Variants in OIP5 observed in about 807,000 individuals in gnomAD.
The protein encoded by OIP5 is protein Mis18-beta.
A neutral mutation model predicts 20.3 loss-of-function variants in OIP5; 24 were observed. The observed-to-expected ratio is 1.18, with a 90% CI of 0.86 to 1.66. The LOEUF is 1.66. Among genes scored for constraint, OIP5 ranks in the 40% most tolerant of loss-of-function variants. OIP5 has a pLI of 0.00. For synonymous variants in OIP5, 143 were observed against 121.3 expected, an observed-to-expected ratio of 1.18 and a Z score of -1.17; for missense variants, 339 against 289.5, an observed-to-expected ratio of 1.17 and a Z score of -1.24.
intron 3 of OIP5, among the ~76,000 whole-genome samples, chr15:41,314,657 A>T (rs529312320): frequency 6.7e-6 from 1 of 148,262 alleles, no homozygotes; most frequent in South Asian, 2.2e-4. Context: ...TTTGAGACAG[A>T]GTCTTACTCT....
In OIP5 at chr15:41,309,662, G is replaced by T; in HGVS notation, c.*92C>A. On this transcript the variant is annotated 3_prime_UTR_variant, in exon 5 of 5. Transcript: ENST00000220514. The stretch of plus-strand genomic sequence containing the variant: ...GAAACTGCATTTCCCCTCCATTCTT[G>T]AAGCCAATCTTTTTCAAGAAATGAC... 2.5e-6 allele frequency: 2 copies of T among 806,146 alleles called. No homozygotes were observed. Among genetic ancestry groups the T allele is most frequent in the Non-Finnish European group, 4.0e-6 (2 of 497,840 alleles). 49.9% of individuals were successfully genotyped at this position (806,146 alleles called of 1,614,324 possible).
chr15:41,326,900 A>C (rs2047865375), intron 2 of OIP5, among the ~76,000 whole-genome samples: 1 of 152,184 alleles, frequency 6.6e-6, no homozygotes, highest in Non-Finnish European at 1.5e-5. Context: ...AAATACTTCC[A>C]ATACACTACC....
chr15:41,328,610 CG>C (rs1567028322), intron 2 of OIP5, among the ~76,000 whole-genome samples: 1 of 152,056 alleles, frequency 6.6e-6, no homozygotes, highest in Non-Finnish European at 1.5e-5. Flanking sequence ...AAAATGTAGA[CG>C]GAAGTAACCT....
At chr15:41,321,917 CAATAAAAAAATA>C (rs2047832362) in intron 2 of OIP5, among the ~76,000 whole-genome samples, 4 of 130,518 alleles carry the variant, frequency 3.1e-5, no homozygotes. Context: ...CAAGAATGAT[CAATAAAAAAATA>C]AATAAATAAA....
intron 2 of OIP5, among the ~76,000 whole-genome samples, chr15:41,329,110 T>C (rs1426891370): frequency 6.9e-6 from 1 of 145,686 alleles, no homozygotes; most frequent in Non-Finnish European, 1.5e-5. Context: ...AGAACCCGAG[T>C]CTGCTGTCTC....
chr15:41,331,909 A>C lies in OIP5; in HGVS notation c.389+6T>G. On this transcript the variant is annotated splice_donor_region_variant and intron_variant, in intron 2 of 4. Transcript: ENST00000220514. ...ACTAGAGACCAATGTAATTATCAAT[A>C]CGTACCTGCCTTTGAGTGAACCTTC... The C allele has an allele frequency of 6.2e-7, 1 of 1,612,566 alleles. No individual in the cohort carries two copies. The highest frequency in any genetic ancestry group is 1.1e-5 in the South Asian group (1 of 91,058).
chr15:41,326,248 A>T (rs2047861161), intron 2 of OIP5, among the ~76,000 whole-genome samples: 1 of 152,236 alleles, frequency 6.6e-6, no homozygotes, highest in Non-Finnish European at 1.5e-5. Flanking sequence ...AACAAGGAAA[A>T]GAAAATTGCA....
At chr15:41,316,134 AAAG>A (rs2047787479) in intron 3 of OIP5, among the ~76,000 whole-genome samples, 1 of 142,782 alleles carries the variant, frequency 7.0e-6, no homozygotes, top group Non-Finnish European at 1.6e-5. Context: ...ACTCCGTCTC[AAAG>A]AAAAAAAAAA....
At chr15:41,319,365 C>T (rs529746678) in intron 3 of OIP5, among the ~76,000 whole-genome samples, 3 of 151,982 alleles carry the variant, frequency 2.0e-5, no homozygotes, top group South Asian at 2.1e-4. Flanking sequence ...CAACAATTCT[C>T]GTGCCTCAGC....
chr15:41,319,419 C>T (rs2047808795), intron 3 of OIP5, among the ~76,000 whole-genome samples: 1 of 151,966 alleles, frequency 6.6e-6, no homozygotes. Context: ...CTACACCTGG[C>T]TAATTTTTGT....
intron 2 of OIP5, among the ~76,000 whole-genome samples, chr15:41,326,419 A>G (rs1383673851): frequency 1.3e-5 from 2 of 151,818 alleles, no homozygotes; most frequent in Non-Finnish European, 2.9e-5. Context: ...GTGGCTCCTT[A>G]TTGTTTTTTG....
chr15:41,325,889 T>C (rs958267509), intron 2 of OIP5, among the ~76,000 whole-genome samples: 6 of 144,712 alleles, frequency 4.1e-5, no homozygotes, highest in Non-Finnish European at 7.6e-5. Flanking sequence ...GGGCTGGGCA[T>C]AGTGGCTCAC....
At chr15:41,320,241 T>C (rs2047814320) in intron 2 of OIP5, among the ~76,000 whole-genome samples, 1 of 152,050 alleles carries the variant, frequency 6.6e-6, no homozygotes, top group Non-Finnish European at 1.5e-5. Context: ...AAAAGAAAGT[T>C]AATGAAAAAA....
chr15:41,319,253 T>C (rs79294621), intron 3 of OIP5, among the ~76,000 whole-genome samples: 2 of 151,198 alleles, frequency 1.3e-5, no homozygotes, highest in African/African-American at 2.4e-5. Flanking sequence ...TTTTTTTTTT[T>C]CCTTTGGACA....
chr15:41,311,628 CGTG>C (rs2047754931), intron 4 of OIP5, among the ~76,000 whole-genome samples: 1 of 152,128 alleles, frequency 6.6e-6, no homozygotes, highest in South Asian at 2.1e-4. Flanking sequence ...AATGCAATGG[CGTG>C]ATCTTGGCTC....
intron 2 of OIP5, among the ~76,000 whole-genome samples, chr15:41,323,985 C>CT (rs869073906): frequency 0.03 from 3,220 of 107,038 alleles, 166 homozygotes; most frequent in African/African-American, 0.08. Context: ...CCAACCTCTG[C>CT]TTTTTTTTTT....
Position 41,332,269 on chromosome 15 carries a change from G to T in OIP5, c.293C>A (p.Ser98Ter). ...ADSVHLAWDL[S>*]RSLGAVVFSR... Reference sequence around the variant, plus strand: ...GAAGACCACGGCCCCGAGGGACCGCGACAGGTCCCAGGCGAGGTGCACCGA... The same window carrying T: ...GAAGACCACGGCCCCGAGGGACCGCTACAGGTCCCAGGCGAGGTGCACCGA... The change falls in exon 1 of 5, where the codon TCG becomes TAG. Residue 98 changes from serine (S) to a stop codon, truncating the protein, a stop_gained. Transcript: ENST00000220514. LOFTEE classifies it high-confidence loss of function. The T allele has an allele frequency of 6.4e-7, 1 of 1,559,478 alleles. No individual in the cohort carries two copies. The highest frequency in any genetic ancestry group is 8.7e-7 in the Non-Finnish European group (1 of 1,153,834).
At chr15:41,330,820 GACTAGTGATT>G (rs2047896491) in intron 2 of OIP5, among the ~76,000 whole-genome samples, 1 of 152,108 alleles carries the variant, frequency 6.6e-6, no homozygotes, top group African/African-American at 2.4e-5. Flanking sequence ...AGCTACATAT[GACTAGTGATT>G]ACAGTATAGG....
Position 41,332,449 on chromosome 15 carries a change from T to G in OIP5, c.113A>C (p.Glu38Ala). 6.2e-7 allele frequency: 1 copy of G among 1,613,936 alleles called. No individual in the cohort carries two copies. The change falls in exon 1 of 5, where the codon GAG becomes GCG. Residue 38 changes from glutamate (E) to alanine (A), a missense_variant. By Grantham distance (107) the Glu-to-Ala change is moderately radical. Transcript: ENST00000220514. ...CCCCTTCACCACCTGCGTATCCCAC[T>G]CCATGGAGGTCGTAAAAGAAGCTTG... ...IDQASFTTSM[E>A]WDTQVVKGSS...
Sources: gnomAD v4.1 joint callset for allele counts (sites outside exome capture counted in the v4.1 genomes callset) on GRCh38, gnomAD v4.1.1 for gene constraint, MANE v1.5 for transcripts, NCBI Gene and HGNC (gene_info 2026-07-23, HGNC 2026-07-21) for gene names.